The following TM4SF18 variants were observed in gnomAD, a reference collection of about 807,000 sequenced individuals.
TM4SF18 encodes transmembrane 4 L six family member 18, also known as transmembrane 4 L6 family member 18.
Under a neutral mutation model 23.8 loss-of-function variants are expected in TM4SF18, and 22 were observed. That is an observed-to-expected ratio of 0.92 (90% CI 0.66 to 1.32). The LOEUF (loss-of-function observed/expected upper bound fraction) is 1.32, where lower values mean the gene tolerates loss of function less well. Among genes scored for constraint, TM4SF18 ranks in the 40% most tolerant of loss-of-function variants. TM4SF18 has a pLI of 0.00. For missense variants in TM4SF18, 255 were observed against 240.3 expected (o/e 1.06, Z -0.41); for synonymous variants, 87 against 87.9 (o/e 0.99, Z 0.06).
At chr3:149,321,543 A>G in intron 5 of TM4SF18, 51 bp from the exon 6 acceptor site, 2 of 1,321,096 alleles carry the variant, frequency 1.5e-6, no homozygotes, top group South Asian at 2.6e-5. Flanking sequence ...ACTTGGCTTG[A>G]TTAGTAATCC....
intron 3 of TM4SF18, among the ~76,000 whole-genome samples, chr3:149,327,353 G>A (rs932277131): frequency 6.6e-6 from 1 of 152,130 alleles, no homozygotes; most frequent in Non-Finnish European, 1.5e-5. Context: ...CACACAAGCT[G>A]GAAGTAAGAG....
At position 149,329,659 on chromosome 3, in the gene TM4SF18, G is replaced by A. The variant is rs557122008; in HGVS notation, c.267+671C>T. 2.0e-4 allele frequency among the ~76,000 whole-genome samples: 31 copies of A among 152,272 alleles called. No homozygotes were observed. In the South Asian group the frequency reaches 6.4e-3, roughly 32 times the overall value. On this transcript the variant is annotated intron_variant, in intron 3 of 5. Coordinates refer to ENST00000296059, the MANE Select transcript of TM4SF18 (RefSeq NM_138786.4). ...ATGAAGAGGAGGAAGAGGATGAGAA[G>A]GAGAATGGTAGAAATGCAGGAGCAC...
intron 3 of TM4SF18, chr3:149,329,810 G>A (rs934366547): frequency 6.6e-6 from 1 of 152,022 alleles, no homozygotes; most frequent in Non-Finnish European, 1.5e-5. Context: ...TATTATCCTG[G>A]ATGAAAAAAC....
chr3:149,324,742 G>A (rs901549270), intron 4 of TM4SF18, 138 bp downstream of exon 4: 1 of 1,123,458 alleles, frequency 8.9e-7, no homozygotes, highest in East Asian at 2.5e-5. Context: ...CTGGATATTA[G>A]TAAACTAACA....
At chr3:149,328,858 T>C (rs1731014749) in intron 3 of TM4SF18, among the ~76,000 whole-genome samples, 1 of 152,186 alleles carries the variant, frequency 6.6e-6, no homozygotes, top group Admixed American at 6.6e-5. Context: ...AATCCTCTCT[T>C]TCTTTCTCCT....
At chr3:149,327,101 C>T (rs1342026077) in intron 3 of TM4SF18, among the ~76,000 whole-genome samples, 5 of 152,094 alleles carry the variant, frequency 3.3e-5, no homozygotes, top group Non-Finnish European at 2.9e-5. Flanking sequence ...AGGCACGTGC[C>T]GCCACGCCTA....
intron 3 of TM4SF18, among the ~76,000 whole-genome samples, chr3:149,325,555 G>A (rs888626759): frequency 4.6e-5 from 7 of 152,140 alleles, no homozygotes; most frequent in Non-Finnish European, 1.0e-4. Flanking sequence ...TAGAGAGAAT[G>A]GGTGTTATTC....
intron 2 of TM4SF18, among the ~76,000 whole-genome samples, chr3:149,331,262 G>A (rs1731080752): frequency 6.6e-6 from 1 of 151,710 alleles, no homozygotes; most frequent in Non-Finnish European, 1.5e-5. Flanking sequence ...TAATTTTTTT[G>A]TTCATTTAAT....
At chr3:149,325,526 G>A (rs1553771672) in intron 3 of TM4SF18, among the ~76,000 whole-genome samples, 1 of 152,128 alleles carries the variant, frequency 6.6e-6, no homozygotes, top group Non-Finnish European at 1.5e-5. Context: ...TGATGGAGAG[G>A]GGGGTGTTTT....
At chr3:149,323,420 T>C (rs182433281) in intron 4 of TM4SF18, among the ~76,000 whole-genome samples, 1 of 152,294 alleles carries the variant, frequency 6.6e-6, no homozygotes, top group Admixed American at 6.5e-5. Context: ...TCTAGACTGT[T>C]CCTAGTACAT....
At chr3:149,332,867 T>C (rs1731115992) in intron 2 of TM4SF18, among the ~76,000 whole-genome samples, 1 of 151,984 alleles carries the variant, frequency 6.6e-6, no homozygotes. Context: ...AGACAGAAAA[T>C]CTGTTCTAGA....
chr3:149,333,143 G>T (rs1024520291), intron 2 of TM4SF18, 63 bp downstream of exon 2: 71 of 1,420,784 alleles, frequency 5.0e-5, no homozygotes, highest in Non-Finnish European at 6.3e-5. Context: ...ACTTCTACTA[G>T]TTACAAGGTA....
chr3:149,330,835 C>G (rs1316977568), intron 2 of TM4SF18, among the ~76,000 whole-genome samples: 19 of 152,172 alleles, frequency 1.2e-4, no homozygotes, highest in Non-Finnish European at 2.9e-5. Flanking sequence ...TTGCCAGCCT[C>G]TCTTCATTTA....
chr3:149,328,523 A>G (rs1731009300), intron 3 of TM4SF18, among the ~76,000 whole-genome samples: 1 of 152,226 alleles, frequency 6.6e-6, no homozygotes, highest in African/African-American at 2.4e-5. Flanking sequence ...TTACAAACTG[A>G]TGCAGATTCA....
intron 2 of TM4SF18, among the ~76,000 whole-genome samples, chr3:149,331,009 TC>T (rs1219923086): frequency 6.6e-6 from 1 of 152,236 alleles, no homozygotes; most frequent in African/African-American, 2.4e-5. Context: ...GCATCTTATT[TC>T]CTTTTTTTAA....
intron 1 of TM4SF18, 24 bp from the exon 2 acceptor site, chr3:149,333,423 C>G: frequency 6.8e-7 from 1 of 1,480,644 alleles, no homozygotes; most frequent in Non-Finnish European, 9.1e-7. Context: ...CAAGAGTATA[C>G]AGTCACAGAA....
At chr3:149,329,102 T>C (rs1731021177) in intron 3 of TM4SF18, among the ~76,000 whole-genome samples, 1 of 151,698 alleles carries the variant, frequency 6.6e-6, no homozygotes, top group African/African-American at 2.4e-5. Flanking sequence ...AATTTTGAAA[T>C]CTCTTCCATA....
At chr3:149,322,162 G>T in intron 5 of TM4SF18, 94 bp downstream of exon 5, 2 of 1,106,434 alleles carry the variant, frequency 1.8e-6, no homozygotes, top group Non-Finnish European at 2.6e-6. Context: ...GGGGGAAAGT[G>T]ATGGAATTCT....
Position 149,321,470 on chromosome 3 carries a change from G to A in TM4SF18, c.*8C>T, listed in dbSNP as rs749287985. The A allele has an allele frequency of 1.3e-6, 2 of 1,569,350 alleles. No individual in the cohort carries two copies. The highest frequency in any genetic ancestry group is 1.2e-5 in the South Asian group (1 of 83,934). On this transcript the variant is annotated 3_prime_UTR_variant, in exon 6 of 6. Coordinates refer to ENST00000296059, the MANE Select transcript of TM4SF18 (RefSeq NM_138786.4). ...ATGTCTTGATAATGGAAAACATTTTGTCCTTATTCAAATGATTCCAGGCTA... is the reference window on the plus strand; with the variant it reads ...ATGTCTTGATAATGGAAAACATTTTATCCTTATTCAAATGATTCCAGGCTA...
Sources: allele counts gnomAD v4.1 joint callset (sites outside exome capture counted in the v4.1 genomes callset), GRCh38; gene constraint gnomAD v4.1.1; transcripts MANE v1.5; gene names NCBI Gene and HGNC (gene_info 2026-07-23, HGNC 2026-07-21).